The following PCDHA12 variants were observed in gnomAD, a reference collection of about 807,000 sequenced individuals.
PCDHA12 encodes protocadherin alpha 12.
In PCDHA12, 44 loss-of-function variants were observed where a neutral mutation model predicts 60.0. That is an observed-to-expected ratio of 0.73 (90% CI 0.58 to 0.94). The LOEUF is 0.94. PCDHA12 is among the 40% of genes least tolerant of loss of function. The pLI is 0.00. For synonymous variants in PCDHA12, 569 were observed against 553.0 expected, an observed-to-expected ratio of 1.03 and a Z score of -0.40; for missense variants, 1,276 against 1,239.7, an observed-to-expected ratio of 1.03 and a Z score of -0.44.
intron 3 of PCDHA12, among the ~76,000 whole-genome samples, chr5:141,007,687 C>T (rs1434828672): frequency 1.3e-5 from 2 of 152,200 alleles, no homozygotes; most frequent in Non-Finnish European, 2.9e-5. Flanking sequence ...TATCCTACTT[C>T]CACCTCCCTC....
At chr5:140,940,894 T>G (rs1364224332) in intron 1 of PCDHA12, among the ~76,000 whole-genome samples, 1 of 152,240 alleles carries the variant, frequency 6.6e-6, no homozygotes, top group Non-Finnish European at 1.5e-5. Flanking sequence ...AGTAAACCAC[T>G]TTAAATCAAG....
At chr5:140,903,873 A>G (rs1173905704) in intron 1 of PCDHA12, among the ~76,000 whole-genome samples, 2 of 152,204 alleles carry the variant, frequency 1.3e-5, no homozygotes, top group Non-Finnish European at 2.9e-5. Context: ...GTAAAATGAC[A>G]AAGACATTGA....
At chr5:140,988,856 C>G (rs1363693153) in intron 3 of PCDHA12, 1 of 152,180 alleles carries the variant, frequency 6.6e-6, no homozygotes, top group African/African-American at 2.4e-5. Context: ...CCTATCCAGT[C>G]TCATGTGCAC....
chr5:140,886,004 A>G lies in PCDHA12; in HGVS notation c.2367+8165A>G, dbSNP rs544401095. On this transcript the variant is annotated intron_variant, in intron 1 of 3. Transcript: ENST00000398631. Reference sequence around the variant, plus strand: ...TCGCATGTGGTTGAAAGAAATAGTAAAGGGAGATGCTATGTATTCTTCACT... The same window carrying G: ...TCGCATGTGGTTGAAAGAAATAGTAGAGGGAGATGCTATGTATTCTTCACT... Among the ~76,000 whole-genome samples, 7 of 152,268 alleles carry G rather than the reference A, an allele frequency of 4.6e-5. No homozygotes were observed. In the East Asian group the frequency reaches 1.3e-3, roughly 29 times the overall value.
intron 1 of PCDHA12, among the ~76,000 whole-genome samples, chr5:140,947,798 A>C (rs1164932467): frequency 7.3e-5 from 11 of 151,710 alleles, no homozygotes; most frequent in African/African-American, 1.9e-4. Context: ...CAGACTTTTA[A>C]TTTGCAGAGA....
At chr5:140,906,540 A>T (rs1375015616) in intron 1 of PCDHA12, among the ~76,000 whole-genome samples, 4 of 152,232 alleles carry the variant, frequency 2.6e-5, no homozygotes, top group African/African-American at 9.6e-5. Context: ...TAAAATCCTC[A>T]TTTCTGCAAC....
chr5:140,911,885 A>T (rs1242639819), intron 1 of PCDHA12, among the ~76,000 whole-genome samples: 1 of 152,216 alleles, frequency 6.6e-6, no homozygotes, highest in Non-Finnish European at 1.5e-5. Flanking sequence ...TCCTGGGACC[A>T]AAATCTGTAT....
chr5:140,985,977 G>A (rs1341198195), intron 3 of PCDHA12, among the ~76,000 whole-genome samples: 3 of 151,932 alleles, frequency 2.0e-5, no homozygotes, highest in African/African-American at 7.3e-5. Flanking sequence ...CTGACCTCGT[G>A]ATCCGCCCAC....
chr5:140,899,005 G>A (rs1220603725), intron 1 of PCDHA12, among the ~76,000 whole-genome samples: 1 of 151,848 alleles, frequency 6.6e-6, no homozygotes, highest in Non-Finnish European at 1.5e-5. Context: ...TGTTATTGGT[G>A]TATAAGAATG....
intron 1 of PCDHA12, among the ~76,000 whole-genome samples, chr5:140,932,490 A>G (rs1330943965): frequency 6.6e-6 from 1 of 151,852 alleles, no homozygotes; most frequent in South Asian, 2.1e-4. Context: ...CCTCTTTGCA[A>G]TGTCATTTGT....
intron 1 of PCDHA12, among the ~76,000 whole-genome samples, chr5:140,955,351 A>G (rs246019): frequency 0.56 from 85,599 of 151,868 alleles, 24,746 homozygotes; most frequent in African/African-American, 0.69. Flanking sequence ...ACATGTTGTG[A>G]GAGGGACCCA....
intron 2 of PCDHA12, 148 bp from the exon 3 acceptor site, chr5:140,982,327 C>A: frequency 7.0e-7 from 1 of 1,419,146 alleles, no homozygotes; most frequent in South Asian, 1.4e-5. Context: ...AGGGTGACTG[C>A]TCAGCAGTAA....
intron 1 of PCDHA12, among the ~76,000 whole-genome samples, chr5:140,925,394 C>T (rs782536310): frequency 1.3e-5 from 2 of 151,950 alleles, no homozygotes; most frequent in East Asian, 1.9e-4. Context: ...CCTTTTGGCT[C>T]GCCTCCTTCT....
At chr5:140,884,301 C>G (rs375535055) in intron 1 of PCDHA12, 2 of 1,613,726 alleles carry the variant, frequency 1.2e-6, no homozygotes, top group South Asian at 1.1e-5. Context: ...GCGCCACAGG[C>G]TTCGTCGAGG....
chr5:140,920,801 G>A (rs1303863265), intron 1 of PCDHA12, among the ~76,000 whole-genome samples: 2 of 148,716 alleles, frequency 1.3e-5, no homozygotes, highest in Non-Finnish European at 3.0e-5. Context: ...CCAAGATCAC[G>A]CCACTGCACT....
At chr5:140,961,743 A>G (rs1585893660) in intron 1 of PCDHA12, among the ~76,000 whole-genome samples, 1 of 152,170 alleles carries the variant, frequency 6.6e-6, no homozygotes, top group East Asian at 1.9e-4. Flanking sequence ...CTTTAGTAAT[A>G]TTACAGTTTT....
chr5:141,003,151 C>T (rs1554258934), intron 3 of PCDHA12, among the ~76,000 whole-genome samples: 2 of 152,224 alleles, frequency 1.3e-5, no homozygotes, highest in African/African-American at 2.4e-5. Flanking sequence ...AGACTCTGAC[C>T]TGATCAATCC....
At chr5:140,995,936 T>C (rs1554254905) in intron 3 of PCDHA12, among the ~76,000 whole-genome samples, 1 of 152,220 alleles carries the variant, frequency 6.6e-6, no homozygotes, top group Non-Finnish European at 1.5e-5. Context: ...AAGTATTAAA[T>C]GACATAATGC....
chr5:140,961,639 G>A (rs2095626284), intron 1 of PCDHA12, among the ~76,000 whole-genome samples: 1 of 152,144 alleles, frequency 6.6e-6, no homozygotes, highest in East Asian at 1.9e-4. Flanking sequence ...ACAATCTTAA[G>A]TCTATGTGGT....
Sources: allele counts gnomAD v4.1 joint callset (sites outside exome capture counted in the v4.1 genomes callset), GRCh38; gene constraint gnomAD v4.1.1; transcripts MANE v1.5; gene names NCBI Gene and HGNC (gene_info 2026-07-23, HGNC 2026-07-21).